ACHE: variants seen among roughly 807,000 people sequenced by gnomAD.
The protein encoded by ACHE is acetylcholinesterase.
ACHE carries 19 observed loss-of-function variants against 53.9 expected under a neutral mutation model. That is an observed-to-expected ratio of 0.35 (90% CI 0.25 to 0.52). The LOEUF (loss-of-function observed/expected upper bound fraction) is 0.52. Among genes scored for constraint, ACHE ranks in the 20% least tolerant of loss-of-function variants. The probability of loss-of-function intolerance (pLI) is 0.95; values close to 1 mark genes in which losing one functional copy is unlikely to be tolerated. For synonymous variants in ACHE, 392 were observed against 378.1 expected, an observed-to-expected ratio of 1.04 and a Z score of -0.43; for missense variants, 605 against 849.4, an observed-to-expected ratio of 0.71 and a Z score of 3.58.
Position 100,890,330 on chromosome 7 carries a change from G to A in ACHE, c.1729C>T (p.Leu577Phe). Residue 577 changes from leucine (L) to phenylalanine (F), a missense_variant, in exon 5 of 5, where the codon CTC becomes TTC. Leu to Phe is a conservative substitution (Grantham distance 22). Around this residue, in one of 4 missense-constraint regions of ACHE, gnomAD observed 28 missense variants for 54.8 expected, o/e 0.51. Coordinates refer to ENST00000241069, the MANE Select transcript of ACHE (RefSeq NM_000665.5). ...TTCCACTGGCGCTCCGCCTCGTCGA[G>A]CGTGTCTGCGGCCAGGGCGCCCAGC... ...LPKLLSATDT[L>F]DEAERQWKAE... The A allele has an allele frequency of 6.2e-7, 1 of 1,603,978 alleles. No homozygotes were observed.
rs1388455344 is a variant in ACHE at position 100,892,147 on chromosome 7, C to T, written c.1553+187G>A. 6.6e-6 allele frequency among the ~76,000 whole-genome samples: 1 copy of T among 151,816 alleles called. No individual in the cohort carries two copies. Among genetic ancestry groups the T allele is most frequent in the Non-Finnish European group, 1.5e-5 (1 of 67,978 alleles). ...CTTTGCCTCTGTCTCTGCAAGACCC[C>T]CTCTGCCTTCTCTGTCTCCTTTCTT... is the stretch of plus-strand genomic sequence containing the variant. On this transcript the variant is annotated intron_variant, in intron 3 of 4. Transcript: ENST00000241069. This position sits in a 1 kb window ranked among gnomAD's most constrained non-coding sequence, Gnocchi z 5.2.
In ACHE at chr7:100,893,783, A is replaced by G. The variant is rs1396932138; in HGVS notation, c.450T>C (p.Tyr150=). The G allele has an allele frequency of 3.1e-6, 5 of 1,613,674 alleles. No individual in the cohort carries two copies. The highest frequency in any genetic ancestry group is 4.5e-5 in the East Asian group (2 of 44,882). ...AGGCCCCACTGTAGAAGCCACCCCC[A>G]TAGATCCAGACGAGGACAGGGGTGG... ...TSPTPVLVWI[Y]GGGFYSGASS... Residue 150 remains tyrosine, a synonymous_variant, in exon 2 of 5, where the codon TAT becomes TAC. Coordinates refer to ENST00000241069, the MANE Select transcript of ACHE (RefSeq NM_000665.5).
At chr7:100,890,694 TC>T (rs1297651496) in intron 4 of ACHE, 3 of 1,316,122 alleles carry the variant, frequency 2.3e-6, no homozygotes, top group Non-Finnish European at 9.7e-7. Context: ...GCCTCCCACT[TC>T]CCCCCAATGT....
rs1305367388 is a variant in ACHE, at chr7:100,892,663, A to G, written c.1224T>C (p.Ala408=). ...VPQVSDLAAE[A]VVLHYTDWLH... ...GCCAGTCTGTGTAATGCAGGACCACAGCCTCGGCTGCCAGGTCACTTACCT... is the reference window on the plus strand; with the variant it reads ...GCCAGTCTGTGTAATGCAGGACCACGGCCTCGGCTGCCAGGTCACTTACCT... Residue 408 remains alanine, a synonymous_variant, in exon 3 of 5, where the codon GCT becomes GCC. Coordinates refer to ENST00000241069, the MANE Select transcript of ACHE (RefSeq NM_000665.5). This position sits in a 1 kb window ranked among gnomAD's most constrained non-coding sequence, Gnocchi z 5.2. The G allele has an allele frequency of 6.2e-7, 1 of 1,613,564 alleles. No homozygotes were observed. Among genetic ancestry groups the G allele is most frequent in the Non-Finnish European group, 8.5e-7 (1 of 1,179,960 alleles).
intron 4 of ACHE, chr7:100,890,602 A>G (rs1790612918): frequency 3.7e-6 from 5 of 1,333,356 alleles, no homozygotes; most frequent in South Asian, 3.5e-5. Context: ...CAGAGGGGAC[A>G]GGAGGGGGAG....
In ACHE at chr7:100,894,064, C is replaced by T. The variant is rs17234982; in HGVS notation, c.169G>A (p.Gly57Arg). ...CCCAGGAAAGCAGAGACAGGGCCCC[C>T]GGGGGTCTTCAGGCGAATGCCCCGC... is the stretch of plus-strand genomic sequence containing the variant. ...RLRGIRLKTP[G>R]GPVSAFLGIP... Residue 57 changes from glycine to arginine, a missense_variant, in exon 2 of 5, where the codon GGG becomes AGG. Around this residue, in one of 4 missense-constraint regions of ACHE, gnomAD observed 89 missense variants for 78.9 expected, o/e 1.13. Coordinates refer to ENST00000241069, the MANE Select transcript of ACHE (RefSeq NM_000665.5). 1,550 of 1,566,290 alleles carry T rather than the reference C, an allele frequency of 9.9e-4. 12 individuals carry two copies. In the South Asian group the frequency reaches 0.012, roughly 12 times the overall value.
At position 100,890,170 on chromosome 7, in the gene ACHE, C is replaced by G. The variant is rs1039524351; in HGVS notation, c.*44G>C. 1 of 1,610,036 alleles carries G rather than the reference C, an allele frequency of 6.2e-7. No individual in the cohort carries two copies. The highest frequency in any genetic ancestry group is 1.3e-5 in the African/African-American group (1 of 74,872). On this transcript the variant is annotated 3_prime_UTR_variant, in exon 5 of 5. Transcript: ENST00000241069. ...GCCCTGAAATAAATAGTATATACAG[C>G]TAGGGGGCCGGGCGGAGCGGAGGAC...
rs754726644 is a variant in ACHE at position 100,890,340 on chromosome 7, G to A, written c.1724-5C>T. ...GCTCCGCCTCGTCGAGCGTGTCTGC[G>A]GCCAGGGCGCCCAGCGAGGCGGGAG... On this transcript the variant is annotated splice_polypyrimidine_tract_variant and splice_region_variant and intron_variant, in intron 4 of 4. Coordinates refer to ENST00000241069, the MANE Select transcript of ACHE (RefSeq NM_000665.5). 4.4e-6 allele frequency: 7 copies of A among 1,602,710 alleles called. No homozygotes were observed. The highest frequency in any genetic ancestry group is 2.2e-5 in the South Asian group (2 of 89,584).
At position 100,893,870 on chromosome 7, in the gene ACHE, A is replaced by G. The variant is rs145703834; in HGVS notation, c.363T>C (p.Arg121=). ...GGTACAGGCAGTCCTCGCTCAGCTC[A>G]CGGTTGGGGTTCCACATCTCGGTGC... The part of the protein sequence containing the change: ...FEGTEMWNPN[R]ELSEDCLYLN... Residue 121 remains arginine (R), a synonymous_variant, in exon 2 of 5, where the codon CGT becomes CGC. Coordinates refer to ENST00000241069, the MANE Select transcript of ACHE (RefSeq NM_000665.5). The G allele has an allele frequency of 1.1e-4, 173 of 1,597,760 alleles. No individual in the cohort carries two copies. In the African/African-American group the frequency reaches 2.1e-3, roughly 20 times the overall value.
upstream of ACHE, chr7:100,896,868 G>A: frequency 6.1e-6 from 1 of 164,342 alleles, no homozygotes; most frequent in South Asian, 9.5e-5. Context: ...TGCTGCAGCG[G>A]GGTCCCCACG....
At chr7:100,894,400 G>C in intron 1 of ACHE, 148 bp from the exon 2 acceptor site, 381 of 413,942 alleles carry the variant, frequency 9.2e-4, no homozygotes, top group East Asian at 1.6e-3. Flanking sequence ...GGGAGGGAGG[G>C]AAGGAGACAG....
At position 100,890,343 on chromosome 7, in the gene ACHE, C is replaced by T. The variant is rs781004221; in HGVS notation, c.1724-8G>A. ...CCGCCTCGTCGAGCGTGTCTGCGGC[C>T]AGGGCGCCCAGCGAGGCGGGAGGGG... On this transcript the variant is annotated splice_polypyrimidine_tract_variant and splice_region_variant and intron_variant, in intron 4 of 4. Transcript: ENST00000241069. 2 of 1,601,730 alleles carry T rather than the reference C, an allele frequency of 1.2e-6. No individual in the cohort carries two copies. The highest frequency in any genetic ancestry group is 2.2e-5 in the South Asian group (2 of 89,524).
intron 1 of ACHE, among the ~76,000 whole-genome samples, chr7:100,895,221 C>A (rs895047446): frequency 2.0e-5 from 3 of 152,186 alleles, no homozygotes; most frequent in Non-Finnish European, 2.9e-5. Context: ...CCTCTCCCGC[C>A]GGTCACTCCT....
intron 1 of ACHE, among the ~76,000 whole-genome samples, chr7:100,894,761 C>A (rs1790939362): frequency 6.6e-6 from 1 of 152,106 alleles, no homozygotes; most frequent in Admixed American, 6.5e-5. Context: ...GTCCCGGGGT[C>A]CCCCAAATCC....
Position 100,890,119 on chromosome 7 carries a change from CTG to C in ACHE, c.*93_*94del. 1 of 1,496,856 alleles carries C rather than the reference CTG, an allele frequency of 6.7e-7. No individual in the cohort carries two copies. The highest frequency in any genetic ancestry group is 9.0e-7 in the Non-Finnish European group (1 of 1,106,408). The allele number at this position is 1,496,856 out of a possible 1,614,324, so 92.7% of individuals were successfully genotyped here. ...GGGGTGGGGTGGGGATGGGCAGAGT[CTG>C]GGGCTCGTCTGTGTTATAGCCCAGC... On this transcript the variant is annotated 3_prime_UTR_variant, in exon 5 of 5. Transcript: ENST00000241069.
chr7:100,891,780 TC>T (rs1421549330), intron 3 of ACHE, among the ~76,000 whole-genome samples: 1 of 126,416 alleles, frequency 7.9e-6, no homozygotes, highest in South Asian at 2.8e-4. Flanking sequence ...TGTCTTGGTC[TC>T]CCTTTTTTTT....
At chr7:100,895,568 A>C (rs1790995161) in intron 1 of ACHE, among the ~76,000 whole-genome samples, 1 of 151,988 alleles carries the variant, frequency 6.6e-6, no homozygotes. Context: ...CCCCGCGGGA[A>C]TCGGAGCGCA....
intron 4 of ACHE, 48 bp from the exon 5 acceptor site, chr7:100,890,383 A>G (rs1467220310): frequency 6.3e-7 from 1 of 1,582,350 alleles, no homozygotes; most frequent in Admixed American, 1.8e-5. Flanking sequence ...CGGCACGAGG[A>G]AGGTCGGGGA....
intron 4 of ACHE, 57 bp downstream of exon 4, chr7:100,891,112 C>T (rs1790656690): frequency 1.3e-6 from 2 of 1,558,788 alleles, no homozygotes; most frequent in South Asian, 1.2e-5. Flanking sequence ...AGAGGGGTTA[C>T]ACCTGGCGGG....
Sources: gnomAD v4.1 joint callset for allele counts (sites outside exome capture counted in the v4.1 genomes callset) on GRCh38, gnomAD v4.1.1 for gene constraint, gnomAD v4.1.1 regional missense constraint, Gnocchi (gnomAD v3.1) non-coding constraint, MANE v1.5 for transcripts, NCBI Gene and HGNC (gene_info 2026-07-23, HGNC 2026-07-21) for gene names.